The following TMEM71 variants were observed in gnomAD, a reference collection of about 807,000 sequenced individuals.
TMEM71 encodes the protein transmembrane protein 71.
TMEM71 carries 44 observed loss-of-function variants against 38.0 expected under a neutral mutation model. The ratio of observed to expected loss-of-function variants is 1.16; its 90% confidence interval spans 0.91 to 1.49. The LOEUF (loss-of-function observed/expected upper bound fraction) is 1.49. Among genes scored for constraint, TMEM71 ranks in the 40% most tolerant of loss-of-function variants. The probability of loss-of-function intolerance (pLI) is 0.00; values close to 1 mark genes in which losing one functional copy is unlikely to be tolerated. For missense variants in TMEM71, 367 were observed against 348.6 expected, an observed-to-expected ratio of 1.05 and a Z score of -0.42; for synonymous variants, 133 against 122.5, an observed-to-expected ratio of 1.09 and a Z score of -0.56.
upstream of TMEM71, among the ~76,000 whole-genome samples, chr8:132,765,225 G>A (rs2739030): frequency 0.68 from 102,977 of 152,052 alleles, 35,731 homozygotes; most frequent in South Asian, 0.78. Flanking sequence ...CAACTTGTGC[G>A]AGATTTGGAA....
chr8:132,722,824 G>GT (rs2131039064), intron 6 of TMEM71, among the ~76,000 whole-genome samples: 1 of 152,304 alleles, frequency 6.6e-6, no homozygotes, highest in East Asian at 1.9e-4. Context: ...CCAAGCCACA[G>GT]TAGAAACTAC....
rs1360816777 is a variant in TMEM71, at chr8:132,751,967, A to G, written c.132T>C (p.His44=). The change falls in exon 4 of 10, where the codon CAT becomes CAC. Residue 44 remains histidine, a synonymous_variant. Transcript: ENST00000677595. Reference sequence around the variant, plus strand: ...GATCTATGGAGCCGCATTCAAAAGAATGGTAACCATCCAGGGAATCACAGG... The same window carrying G: ...GATCTATGGAGCCGCATTCAAAAGAGTGGTAACCATCCAGGGAATCACAGG... The part of the protein sequence containing the change: ...SFTCDSLDGY[H]SFECGSIDPL... The G allele has an allele frequency of 1.9e-6, 3 of 1,614,006 alleles. No individual in the cohort carries two copies. The East Asian group carries it at 6.7e-5, about 36-fold the overall frequency.
At chr8:132,773,744 G>T in the TMEM71 span, among the ~76,000 whole-genome samples, 14 of 152,166 alleles carry the variant, frequency 9.2e-5, 1 homozygote, top group African/African-American at 3.4e-4. Flanking sequence ...CTTGAGGCTA[G>T]AACTTTAGCT....
chr8:132,726,607 T>G (rs1210026157), intron 6 of TMEM71, among the ~76,000 whole-genome samples: 1 of 151,990 alleles, frequency 6.6e-6, no homozygotes, highest in East Asian at 1.9e-4. Context: ...AGCTAAGGAG[T>G]AGGGATCTGG....
intron 5 of TMEM71, among the ~76,000 whole-genome samples, chr8:132,740,856 A>T (rs1041224210): frequency 1.3e-5 from 2 of 152,130 alleles, no homozygotes; most frequent in African/African-American, 4.8e-5. Context: ...GGGGTCCTGT[A>T]TTTTATTCTG....
At chr8:132,712,416 G>A (rs1426714183) in intron 9 of TMEM71, among the ~76,000 whole-genome samples, 1 of 152,016 alleles carries the variant, frequency 6.6e-6, no homozygotes, top group Non-Finnish European at 1.5e-5. Context: ...AAAACAGCAG[G>A]TGATATAACC....
chr8:132,731,130 A>G (rs147302542), intron 5 of TMEM71, among the ~76,000 whole-genome samples: 265 of 152,338 alleles, frequency 1.7e-3, no homozygotes, highest in South Asian at 4.6e-3. Flanking sequence ...ATAGGATAGT[A>G]ATGTCTACTT....
the TMEM71 span, among the ~76,000 whole-genome samples, chr8:132,772,433 G>A: frequency 6.6e-6 from 1 of 152,142 alleles, no homozygotes; most frequent in Non-Finnish European, 1.5e-5. Context: ...GAGAGGAGAA[G>A]GGACAGATCA....
At chr8:132,752,071 CTG>C (rs1563756169) in intron 3 of TMEM71, 74 bp from the exon 4 acceptor site, 1 of 1,253,158 alleles carries the variant, frequency 8.0e-7, no homozygotes, top group Non-Finnish European at 1.1e-6. Flanking sequence ...TGTCTCATCA[CTG>C]TGAAGGAAAA....
upstream of TMEM71, among the ~76,000 whole-genome samples, chr8:132,763,941 G>A (rs142389590): frequency 0.01 from 1,532 of 152,230 alleles, 16 homozygotes; most frequent in Middle Eastern, 0.024. Context: ...TACAAACAAC[G>A]AACAAACATG....
intron 2 of TMEM71, 81 bp downstream of exon 2, chr8:132,758,759 G>T: frequency 2.4e-6 from 3 of 1,263,720 alleles, no homozygotes; most frequent in Non-Finnish European, 3.5e-6. Flanking sequence ...CTGAGTATCA[G>T]CAAAATCAAA....
chr8:132,744,951 T>C (rs577521226), intron 5 of TMEM71, among the ~76,000 whole-genome samples: 200 of 152,236 alleles, frequency 1.3e-3, no homozygotes, highest in African/African-American at 4.5e-3. Flanking sequence ...ATCCAATAAA[T>C]GGAGCTGGGA....
rs113090139 is a variant in TMEM71, at chr8:132,725,046, CTTTTTTTT to C, written c.676+2744_676+2751del. Among the ~76,000 whole-genome samples the C allele has an allele frequency of 4.2e-5, 6 of 144,466 alleles. No homozygotes were observed. In the East Asian group the frequency reaches 1.0e-3, roughly 25 times the overall value. The allele number at this position is 144,466 out of a possible 152,430, so 94.8% of individuals were successfully genotyped here. ...TCTTTTCTTTTCTTTTCTTTTTTTT[CTTTTTTTT>C]TTTTAACAGGGTCTCACTCTATTTC... On this transcript the variant is annotated intron_variant, in intron 6 of 9. Coordinates refer to ENST00000677595, the MANE Select transcript of TMEM71 (RefSeq NM_001382403.1).
At position 132,751,965 on chromosome 8, in the gene TMEM71, G is replaced by A. The variant is rs755794071; in HGVS notation, c.134C>T (p.Ser45Phe). The A allele has an allele frequency of 1.9e-6, 3 of 1,614,090 alleles. No homozygotes were observed. The highest frequency in any genetic ancestry group is 2.5e-6 in the Non-Finnish European group (3 of 1,180,030). Residue 45 changes from serine to phenylalanine, a missense_variant, in exon 4 of 10, where the codon TCT becomes TTT. By Grantham distance (155) the Ser-to-Phe change is radical. Transcript: ENST00000677595. ...FTCDSLDGYH[S>F]FECGSIDPLT... Reference sequence around the variant, plus strand: ...GGGATCTATGGAGCCGCATTCAAAAGAATGGTAACCATCCAGGGAATCACA... The same window carrying A: ...GGGATCTATGGAGCCGCATTCAAAAAAATGGTAACCATCCAGGGAATCACA...
rs1242785747 is a variant in TMEM71, at chr8:132,710,229, A to T, written c.*738T>A. 3 of 152,160 alleles carry T rather than the reference A, an allele frequency of 2.0e-5. No individual in the cohort carries two copies. Among genetic ancestry groups the T allele is most frequent in the Non-Finnish European group, 4.4e-5 (3 of 68,072 alleles). The allele number at this position is 152,160 out of a possible 1,614,324, so 9.4% of individuals were successfully genotyped here. A position where few individuals can be genotyped will look rare whatever the true frequency, so the allele number is the denominator to read the frequency against. On this transcript the variant is annotated 3_prime_UTR_variant, in exon 10 of 10. Transcript: ENST00000677595. ...ACCATTTTCATGCATTTGAAAGCGC[A>T]TTGGTGTTTTGCCTATATTTTGCCC...
chr8:132,713,371 G>A (rs979279584), intron 9 of TMEM71, among the ~76,000 whole-genome samples: 12 of 152,098 alleles, frequency 7.9e-5, no homozygotes, highest in Middle Eastern at 3.4e-3. Context: ...CAGAATTAGC[G>A]CAGATTTTGT....
intron 2 of TMEM71, chr8:132,758,071 G>T (rs1165949263): frequency 1.3e-5 from 2 of 152,118 alleles, no homozygotes; most frequent in Non-Finnish European, 2.9e-5. Flanking sequence ...ATGAGCAAAA[G>T]ACATTAGTGG....
intron 6 of TMEM71, among the ~76,000 whole-genome samples, chr8:132,724,905 A>G (rs1827053342): frequency 6.6e-6 from 1 of 152,136 alleles, no homozygotes. Flanking sequence ...ATAAAACTCA[A>G]TTACTGGCCT....
chr8:132,711,585 A>G (rs1826240182), intron 9 of TMEM71, among the ~76,000 whole-genome samples: 1 of 152,214 alleles, frequency 6.6e-6, no homozygotes. Context: ...ATAAGTGTGC[A>G]AAACGTGTAC....
Sources: gnomAD v4.1 joint callset for allele counts (sites outside exome capture counted in the v4.1 genomes callset) on GRCh38, gnomAD v4.1.1 for gene constraint, MANE v1.5 for transcripts, NCBI Gene and HGNC (gene_info 2026-07-23, HGNC 2026-07-21) for gene names.